Variants in ZNF536 observed in about 807,000 individuals in gnomAD.
The protein encoded by ZNF536 is zinc finger protein 536.
In ZNF536, 13 loss-of-function variants were observed where a neutral mutation model predicts 84.5. The observed-to-expected ratio is 0.15, with a 90% confidence interval of 0.10 to 0.24. The LOEUF (loss-of-function observed/expected upper bound fraction) is 0.24, where lower values mean the gene tolerates loss of function less well. Among genes scored for constraint, ZNF536 ranks in the 10% least tolerant of loss-of-function variants. The probability of loss-of-function intolerance (pLI) is 1.00; values close to 1 mark genes in which losing one functional copy is unlikely to be tolerated. For missense variants in ZNF536, 1,536 were observed against 1,747.5 expected, an observed-to-expected ratio of 0.88 and a Z score of 2.16; for synonymous variants, 811 against 742.5, an observed-to-expected ratio of 1.09 and a Z score of -1.50.
At chr19:30,570,230 C>T (rs556256988) in intron 1 of ZNF536, among the ~76,000 whole-genome samples, 22 of 152,288 alleles carry the variant, frequency 1.4e-4, no homozygotes, top group African/African-American at 4.3e-4. Context: ...CGGCATTTGG[C>T]GTGCCCCCTG....
chr19:30,503,038 A>G (rs1285473984), intron 2 of ZNF536, among the ~76,000 whole-genome samples: 1 of 152,194 alleles, frequency 6.6e-6, no homozygotes, highest in Non-Finnish European at 1.5e-5. Context: ...GACAGGTTTT[A>G]CCTTTATTCA....
rs1600262191 is a variant in ZNF536, at chr19:30,334,425, C to CTTCTCAGACAAGGTTTAGG, written c.-119-17930_-119-17929insTTTAGGTTCTCAGACAAGG. Reference sequence around the variant, plus strand: ...GTGGCAGGTGAGTATTAACCTCCTGCTTCTCAGACAAGGAGAGTAAGACCC... The same window carrying CTTCTCAGACAAGGTTTAGG: ...GTGGCAGGTGAGTATTAACCTCCTGCTTCTCAGACAAGGTTTAGGTTCTCAGACAAGGAGAGTAAGACCC... On this transcript the variant is annotated intron_variant, in intron 2 of 5. Coordinates refer to the ZNF536 transcript ENST00000585628. Among the ~76,000 whole-genome samples the CTTCTCAGACAAGGTTTAGG allele has an allele frequency of 2.0e-5, 3 of 152,184 alleles. No individual in the cohort carries two copies. In the East Asian group the frequency reaches 5.8e-4, roughly 29 times the overall value.
chr19:30,523,587 G>A (rs1315352437), intron 2 of ZNF536, among the ~76,000 whole-genome samples: 2 of 152,176 alleles, frequency 1.3e-5, no homozygotes, highest in Admixed American at 1.3e-4. Flanking sequence ...TTTGGAGATA[G>A]GGACAGTGAC....
At chr19:30,698,231 G>T (rs1191021882) in intron 1 of ZNF536, among the ~76,000 whole-genome samples, 2 of 151,812 alleles carry the variant, frequency 1.3e-5, no homozygotes, top group Non-Finnish European at 2.9e-5. Flanking sequence ...GGTGGACGCT[G>T]CAGTGAACTG....
chr19:30,399,426 C>T (rs965621990), intron 1 of ZNF536, among the ~76,000 whole-genome samples: 7 of 152,080 alleles, frequency 4.6e-5, no homozygotes, highest in Non-Finnish European at 8.8e-5. Flanking sequence ...TTAATTAGAT[C>T]CCATTTGTCA....
upstream of ZNF536, among the ~76,000 whole-genome samples, chr19:30,369,432 T>C (rs1047547696): frequency 4.6e-5 from 7 of 152,170 alleles, no homozygotes; most frequent in Non-Finnish European, 1.0e-4. Context: ...TTTTTGCAAA[T>C]GAAACATGAA....
intron 2 of ZNF536, among the ~76,000 whole-genome samples, chr19:30,316,915 G>A (rs1164848824): frequency 3.3e-5 from 5 of 152,186 alleles, no homozygotes; most frequent in Non-Finnish European, 4.4e-5. Context: ...GCCCTGTGAA[G>A]CCTGGCTGTG....
intron 2 of ZNF536, among the ~76,000 whole-genome samples, chr19:30,498,968 G>A (rs2054836401): frequency 6.6e-6 from 1 of 151,612 alleles, no homozygotes; most frequent in Non-Finnish European, 1.5e-5. Flanking sequence ...GAGCCTTTAG[G>A]TGACAGTGCC....
intron 1 of ZNF536, among the ~76,000 whole-genome samples, chr19:30,699,260 T>C (rs2051793015): frequency 1.3e-5 from 2 of 152,218 alleles, no homozygotes; most frequent in Admixed American, 1.3e-4. Context: ...TGTCACCACT[T>C]CTAGACCCTC....
At chr19:30,537,049 T>G (rs148189825) in intron 3 of ZNF536, among the ~76,000 whole-genome samples, 1 of 152,174 alleles carries the variant, frequency 6.6e-6, no homozygotes, top group Non-Finnish European at 1.5e-5. Flanking sequence ...TGCATTTGTA[T>G]TTCGTTGTTG....
At chr19:30,528,178 G>T (rs1312813860) in intron 2 of ZNF536, among the ~76,000 whole-genome samples, 3 of 152,140 alleles carry the variant, frequency 2.0e-5, no homozygotes, top group African/African-American at 7.2e-5. Context: ...ATGCGTGCTT[G>T]CTGGGGTAAC....
intron 1 of ZNF536, among the ~76,000 whole-genome samples, chr19:30,374,267 G>A (rs115717080): frequency 0.012 from 1,836 of 151,838 alleles, 42 homozygotes; most frequent in African/African-American, 0.042. Context: ...AGAAGTGGAA[G>A]ACACCTGTTA....
chr19:30,664,254 CTCT>C (rs2050237232), intron 1 of ZNF536, among the ~76,000 whole-genome samples: 1 of 146,450 alleles, frequency 6.8e-6, no homozygotes, highest in Non-Finnish European at 1.5e-5. Context: ...CTCTCTCTCT[CTCT>C]CTCTCCCTCT....
At chr19:30,487,548 T>C (rs2054348183) in intron 2 of ZNF536, among the ~76,000 whole-genome samples, 1 of 152,140 alleles carries the variant, frequency 6.6e-6, no homozygotes, top group Admixed American at 6.5e-5. Context: ...CTCCCTCCAT[T>C]CCTCCCTCTT....
Position 30,472,660 on chromosome 19 carries a change from A to G in ZNF536, c.2170+26928A>G, listed in dbSNP as rs73552157. On this transcript the variant is annotated intron_variant, in intron 2 of 4. Coordinates refer to ENST00000355537, the MANE Select transcript of ZNF536 (RefSeq NM_014717.3). ...CTCTACTGATGTGATCAAATGGACA[A>G]TTGCAGTCCACACCTTTCACTCCCT... Among the ~76,000 whole-genome samples the G allele has an allele frequency of 7.3e-3, 1,104 of 152,266 alleles. 15 individuals are homozygous for G. The highest frequency in any genetic ancestry group is 0.025 in the African/African-American group (1,055 of 41,546).
intron 2 of ZNF536, among the ~76,000 whole-genome samples, chr19:30,532,682 G>A (rs2044887843): frequency 6.6e-6 from 1 of 151,562 alleles, no homozygotes. Context: ...GCATGCTCAG[G>A]GTTGGGGTGG....
chr19:30,540,141 G>C (rs1163878571), intron 3 of ZNF536, among the ~76,000 whole-genome samples: 1 of 152,194 alleles, frequency 6.6e-6, no homozygotes, highest in African/African-American at 2.4e-5. Context: ...GATTTCAGCT[G>C]TGGTCACGAG....
At chr19:30,271,294 C>CTGTTTTTT in intron 1 of ZNF536, among the ~76,000 whole-genome samples, 1 of 103,198 alleles carries the variant, frequency 9.7e-6, no homozygotes, top group Non-Finnish European at 2.0e-5. Context: ...GTGTTTTTTT[C>CTGTTTTTT]TTTTCTTTTT....
chr19:30,339,822 C>T (rs181259005), intron 2 of ZNF536, among the ~76,000 whole-genome samples: 2 of 152,306 alleles, frequency 1.3e-5, no homozygotes, highest in African/African-American at 2.4e-5. Flanking sequence ...TGGTTGCTGT[C>T]GACTTGGAGG....
Sources: allele counts gnomAD v4.1 joint callset (sites outside exome capture counted in the v4.1 genomes callset), GRCh38; gene constraint gnomAD v4.1.1; transcripts MANE v1.5; gene names NCBI Gene and HGNC (gene_info 2026-07-23, HGNC 2026-07-21).